Variants in TMEM106B observed in about 807,000 individuals in gnomAD.
TMEM106B encodes the protein transmembrane protein 106B.
In TMEM106B, 15 loss-of-function variants were observed where a neutral mutation model predicts 31.1. That is an observed-to-expected ratio of 0.48 (90% CI 0.32 to 0.74). The LOEUF (loss-of-function observed/expected upper bound fraction) is 0.74, where lower values mean the gene tolerates loss of function less well. Among genes scored for constraint, TMEM106B ranks in the 30% least tolerant of loss-of-function variants. The pLI is 0.03. For missense variants in TMEM106B, 283 were observed against 327.3 expected, an observed-to-expected ratio of 0.86 and a Z score of 1.04; for synonymous variants, 126 against 112.5, an observed-to-expected ratio of 1.12 and a Z score of -0.76.
intron 3 of TMEM106B, among the ~76,000 whole-genome samples, chr7:12,222,685 G>C (rs1781811104): frequency 6.6e-6 from 1 of 152,152 alleles, no homozygotes; most frequent in African/African-American, 2.4e-5. Flanking sequence ...CCCCTACTCA[G>C]GTTGAGAGAG....
In TMEM106B at chr7:12,224,392, A is replaced by G; in HGVS notation, c.441+7A>G. Reference sequence around the variant, plus strand: ...AATTTATTTAAATATCACAGTGAGTATAAATTTATATGAAAAATGTTTAAC... The same window carrying G: ...AATTTATTTAAATATCACAGTGAGTGTAAATTTATATGAAAAATGTTTAAC... On this transcript the variant is annotated splice_region_variant and intron_variant, in intron 4 of 7. Coordinates refer to ENST00000396668, the MANE Select transcript of TMEM106B (RefSeq NM_001134232.2). 1.3e-6 allele frequency: 2 copies of G among 1,592,686 alleles called. No homozygotes were observed. Among genetic ancestry groups the G allele is most frequent in the Non-Finnish European group, 1.7e-6 (2 of 1,162,942 alleles).
chr7:12,218,489 A>G lies in TMEM106B; in HGVS notation c.249A>G (p.Pro83=), dbSNP rs1367578632. Residue 83 remains proline (P), a synonymous_variant, in exon 3 of 8, where the codon CCA becomes CCG. Coordinates refer to ENST00000396668, the MANE Select transcript of TMEM106B (RefSeq NM_001134232.2). ...AAAACCAACTGGTGGCATTGATTCCATATAGTGATCAGAGATTAAGGCCAA... is the reference window on the plus strand; with the variant it reads ...AAAACCAACTGGTGGCATTGATTCCGTATAGTGATCAGAGATTAAGGCCAA... The part of the protein sequence containing the change: ...GQENQLVALI[P]YSDQRLRPRR... The G allele has an allele frequency of 1.9e-6, 3 of 1,612,844 alleles. No individual in the cohort carries two copies. The highest frequency in any genetic ancestry group is 2.7e-5 in the African/African-American group (2 of 74,866).
Position 12,235,761 on chromosome 7 carries a change from A to C in TMEM106B, c.*3786A>C, listed in dbSNP as rs1782120335. The C allele has an allele frequency of 6.6e-6, 1 of 151,778 alleles. No individual in the cohort carries two copies. Among genetic ancestry groups the C allele is most frequent in the African/African-American group, 2.4e-5 (1 of 41,410 alleles). The allele number at this position is 151,778 out of a possible 1,614,324, so 9.4% of individuals were successfully genotyped here. ...AAAATAGTTTGTTAGGTACTTTTTA[A>C]AAGATGTAAATTTTTAAATTTACAA... On this transcript the variant is annotated 3_prime_UTR_variant, in exon 8 of 8. Transcript: ENST00000396668.
rs1297816303 is a variant in TMEM106B at position 12,232,965 on chromosome 7, C to T, written c.*990C>T. The T allele has an allele frequency of 6.6e-6, 1 of 151,460 alleles. No individual in the cohort carries two copies. The highest frequency in any genetic ancestry group is 1.5e-5 in the Non-Finnish European group (1 of 67,674). The allele number at this position is 151,460 out of a possible 1,614,324, so 9.4% of individuals were successfully genotyped here. ...ACATGTTTTGCAACTGTTAGGTACC[C>T]AGTTATCAATTTTATCAATGTTTTA... On this transcript the variant is annotated 3_prime_UTR_variant, in exon 8 of 8. Coordinates refer to ENST00000396668, the MANE Select transcript of TMEM106B (RefSeq NM_001134232.2).
rs932275642 is a variant in TMEM106B at position 12,236,899 on chromosome 7, C to T, written c.*4924C>T. On this transcript the variant is annotated 3_prime_UTR_variant, in exon 8 of 8. Transcript: ENST00000396668. ...AGATTTTGGAAAATGATTTGACGTG[C>T]TTGCTCACTTGATTGACTTGGTCAG... 1 of 151,948 alleles carries T rather than the reference C, an allele frequency of 6.6e-6. No individual in the cohort carries two copies. Among genetic ancestry groups the T allele is most frequent in the Non-Finnish European group, 1.5e-5 (1 of 67,934 alleles). The allele number at this position is 151,948 out of a possible 1,614,324, so 9.4% of individuals were successfully genotyped here.
chr7:12,215,028 G>T lies in TMEM106B; in HGVS notation c.217+1G>T. 6.2e-7 allele frequency: 1 copy of T among 1,611,624 alleles called. No homozygotes were observed. Among genetic ancestry groups the T allele is most frequent in the Non-Finnish European group, 8.5e-7 (1 of 1,178,474 alleles). ...CAGGGAACAGGAAGAATTCCTAGGG[G>T]TATGTGTTATTGTATTGTTTTCCCT... On this transcript the variant is annotated splice_donor_variant, in intron 2 of 7. Coordinates refer to ENST00000396668, the MANE Select transcript of TMEM106B (RefSeq NM_001134232.2). LOFTEE classifies it high-confidence loss of function.
chr7:12,223,546 A>G (rs969703428), intron 3 of TMEM106B, among the ~76,000 whole-genome samples: 2 of 109,488 alleles, frequency 1.8e-5, no homozygotes, highest in African/African-American at 4.4e-5. Flanking sequence ...GGATCATGTA[A>G]TGGCAAAACT....
At chr7:12,223,871 C>G (rs1781839914) in intron 3 of TMEM106B, among the ~76,000 whole-genome samples, 1 of 152,018 alleles carries the variant, frequency 6.6e-6, no homozygotes, top group African/African-American at 2.4e-5. Context: ...CAGGCGCACA[C>G]CACCACACCT....
intron 3 of TMEM106B, among the ~76,000 whole-genome samples, chr7:12,219,252 C>T (rs1010801264): frequency 2.6e-5 from 4 of 152,106 alleles, no homozygotes; most frequent in African/African-American, 7.2e-5. Context: ...AACAGATTGA[C>T]ATATTAGGGA....
At chr7:12,211,738 G>T (rs1158466197) in intron 1 of TMEM106B, among the ~76,000 whole-genome samples, 1 of 152,216 alleles carries the variant, frequency 6.6e-6, no homozygotes, top group East Asian at 1.9e-4. Context: ...ATCTTATTTT[G>T]CAGCTTTACA....
rs1782169699 is a variant in TMEM106B at position 12,237,830 on chromosome 7, C to CACACACAA, written c.*5862_*5863insAACACACA. Reference sequence around the variant, plus strand: ...AAATATATACATACACACACACACACACACACACACACACACACACACACA... The same window carrying CACACACAA: ...AAATATATACATACACACACACACACACACACAAACACACACACACACACACACACACA... On this transcript the variant is annotated 3_prime_UTR_variant, in exon 8 of 8. Transcript: ENST00000396668. 4 of 151,282 alleles carry CACACACAA rather than the reference C, an allele frequency of 2.6e-5. No homozygotes were observed. The highest frequency in any genetic ancestry group is 2.6e-4 in the Admixed American group (4 of 15,170). 9.4% of individuals were successfully genotyped at this position (151,282 alleles called of 1,614,324 possible). A position where few individuals can be genotyped will look rare whatever the true frequency, so the allele number is the denominator to read the frequency against.
Position 12,230,179 on chromosome 7 carries a change from G to A in TMEM106B, c.583-210G>A, listed in dbSNP as rs1233266969. 3.3e-5 allele frequency among the ~76,000 whole-genome samples: 5 copies of A among 151,936 alleles called. No homozygotes were observed. In the East Asian group the frequency reaches 9.7e-4, roughly 29 times the overall value. On this transcript the variant is annotated intron_variant, in intron 5 of 7. Coordinates refer to ENST00000396668, the MANE Select transcript of TMEM106B (RefSeq NM_001134232.2). ...GCTCGCGAGCCGTGATCACACCGCC[G>A]TACTCCAAACTGGGTGACACAGTGA...
intron 4 of TMEM106B, 69 bp from the exon 5 acceptor site, chr7:12,229,610 C>A: frequency 1.6e-6 from 2 of 1,255,756 alleles, no homozygotes; most frequent in Admixed American, 2.8e-5. Context: ...GCTGAAGTTA[C>A]TTTAATTTTA....
intron 1 of TMEM106B, among the ~76,000 whole-genome samples, chr7:12,211,969 C>A (rs73299043): frequency 1.3e-5 from 2 of 152,104 alleles, no homozygotes; most frequent in African/African-American, 2.4e-5. Flanking sequence ...ACTGAGCCCA[C>A]AGAGGTTGCA....
intron 2 of TMEM106B, 108 bp from the exon 3 acceptor site, chr7:12,218,350 G>A: frequency 1.3e-6 from 1 of 781,542 alleles, no homozygotes; most frequent in Non-Finnish European, 2.0e-6. Context: ...AAAGGAAAGA[G>A]ATGAGTGCCA....
rs1323442010 is a variant in TMEM106B at position 12,239,031 on chromosome 7, C to T, written c.*7056C>T. On this transcript the variant is annotated 3_prime_UTR_variant, in exon 8 of 8. Transcript: ENST00000396668. ...CTTTAGCTATGAAAGTTTTAGATGG[C>T]ACCTTTTTGTAAAAGAAGGTTGTTT... 6.6e-6 allele frequency: 1 copy of T among 152,110 alleles called. No homozygotes were observed. The highest frequency in any genetic ancestry group is 1.5e-5 in the Non-Finnish European group (1 of 68,016). 9.4% of individuals were successfully genotyped at this position (152,110 alleles called of 1,614,324 possible).
rs375402353 is a variant in TMEM106B at position 12,224,196 on chromosome 7, T to C, written c.282-30T>C. The C allele has an allele frequency of 5.8e-5, 93 of 1,595,468 alleles. No individual in the cohort carries two copies. The African/African-American group carries it at 1.1e-3, about 18-fold the overall frequency. On this transcript the variant is annotated intron_variant, in intron 3 of 7. Transcript: ENST00000396668. ...TGTGTTATATAATTTCTGATGCACA[T>C]GTACTTAAATACCCTCTTTTCCTTT...
chr7:12,231,063 G>C lies in TMEM106B; in HGVS notation c.634G>C (p.Asp212His), dbSNP rs1233456553. The C allele has an allele frequency of 6.3e-7, 1 of 1,585,916 alleles. No individual in the cohort carries two copies. Among genetic ancestry groups the C allele is most frequent in the South Asian group, 1.2e-5 (1 of 86,816 alleles). ...VIAEEMSYMY[D>H]FCTLISIKVH... ...TTCACATTTTAATTTCTTTAACAGT[G>C]ATTTCTGTACTCTGATATCCATCAA... The change falls in exon 7 of 8, where the codon GAT (aspartate) becomes CAT (histidine). Residue 212 changes from aspartate to histidine, a missense_variant and splice_region_variant. Physicochemically the swap from Asp to His is moderately conservative, Grantham distance 81 (BLOSUM62 -1). Around this residue, in one of 3 missense-constraint regions of TMEM106B, gnomAD observed 201 missense variants for 211.5 expected, o/e 0.95. Coordinates refer to ENST00000396668, the MANE Select transcript of TMEM106B (RefSeq NM_001134232.2).
Position 12,233,435 on chromosome 7 carries a change from C to G in TMEM106B, c.*1460C>G, listed in dbSNP as rs557375118. 1.3e-5 allele frequency: 2 copies of G among 151,694 alleles called. No homozygotes were observed. The highest frequency in any genetic ancestry group is 3.9e-4 in the East Asian group (2 of 5,168). 9.4% of individuals were successfully genotyped at this position (151,694 alleles called of 1,614,324 possible). The stretch of plus-strand genomic sequence containing the variant: ...GGTCTGAAACAGCCTGTTTATTAGT[C>G]TGACTCTCTCAACCATAAAACATAA... On this transcript the variant is annotated 3_prime_UTR_variant, in exon 8 of 8. Coordinates refer to ENST00000396668, the MANE Select transcript of TMEM106B (RefSeq NM_001134232.2).
Sources: gnomAD v4.1 joint callset for allele counts (sites outside exome capture counted in the v4.1 genomes callset) on GRCh38, gnomAD v4.1.1 for gene constraint, gnomAD v4.1.1 regional missense constraint, MANE v1.5 for transcripts, NCBI Gene and HGNC (gene_info 2026-07-23, HGNC 2026-07-21) for gene names.